Variants in RBFOX1 observed in about 807,000 individuals in gnomAD.
RBFOX1 encodes RNA binding protein fox-1 homolog 1.
Under a neutral mutation model 57.7 loss-of-function variants are expected in RBFOX1, and 8 were observed. The observed-to-expected ratio is 0.14, with a 90% CI of 0.08 to 0.25. The LOEUF (loss-of-function observed/expected upper bound fraction) is 0.25, where lower values mean the gene tolerates loss of function less well. RBFOX1 is among the 10% of genes least tolerant of loss of function. The pLI, the probability that RBFOX1 is intolerant of heterozygous loss-of-function variation, is 1.00. For missense variants in RBFOX1, 611 were observed against 548.5 expected (o/e 1.11, Z -1.14); for synonymous variants, 326 against 222.4 (o/e 1.47, Z -4.15).
chr16:7,687,014 A>G (rs925071477), intron 14 of RBFOX1, among the ~76,000 whole-genome samples: 15 of 152,094 alleles, frequency 9.9e-5, no homozygotes, highest in Admixed American at 3.3e-4. Flanking sequence ...ATATCATGTT[A>G]GCAATAGGAA....
At chr16:6,016,041 A>T (rs1011600801), upstream of RBFOX1, among the ~76,000 whole-genome samples, 1 of 152,256 alleles carries the variant, frequency 6.6e-6, no homozygotes, top group Non-Finnish European at 1.5e-5. Context: ...TGGTTAGCCC[A>T]TTTAGACAGC....
chr16:6,320,138 C>G (rs1426146252), intron 2 of RBFOX1, among the ~76,000 whole-genome samples: 1 of 152,026 alleles, frequency 6.6e-6, no homozygotes, highest in East Asian at 1.9e-4. Context: ...AAGGTGGAGA[C>G]AGAAAGAACT....
At chr16:7,327,735 A>C (rs766794730) in intron 4 of RBFOX1, among the ~76,000 whole-genome samples, 2 of 152,176 alleles carry the variant, frequency 1.3e-5, no homozygotes, top group Non-Finnish European at 2.9e-5. Context: ...GTGGCTCAAC[A>C]TGCCTAGATC....
intron 4 of RBFOX1, among the ~76,000 whole-genome samples, chr16:5,936,679 T>C (rs1238769279): frequency 6.6e-6 from 1 of 152,242 alleles, no homozygotes; most frequent in Non-Finnish European, 1.5e-5. Flanking sequence ...TGTGTGCTCA[T>C]TCTCCACCCA....
At chr16:6,817,480 G>A (rs1344378563) in intron 3 of RBFOX1, among the ~76,000 whole-genome samples, 1 of 150,476 alleles carries the variant, frequency 6.6e-6, no homozygotes, top group East Asian at 2.0e-4. Context: ...GATTGGTTGA[G>A]GTCAAGAGTT....
intron 3 of RBFOX1, among the ~76,000 whole-genome samples, chr16:6,820,063 G>C (rs1051227796): frequency 3.9e-5 from 6 of 152,078 alleles, no homozygotes; most frequent in Non-Finnish European, 8.8e-5. Flanking sequence ...GAATCGTGGG[G>C]CTTGATTTTT....
At chr16:6,368,932 A>C (rs2795548) in intron 2 of RBFOX1, among the ~76,000 whole-genome samples, 4,911 of 152,326 alleles carry the variant, frequency 0.032, 264 homozygotes, top group African/African-American at 0.11. Context: ...AAAATAAACC[A>C]GGACGAATCT....
chr16:6,988,486 A>G (rs1212080649), intron 3 of RBFOX1, among the ~76,000 whole-genome samples: 2 of 152,146 alleles, frequency 1.3e-5, no homozygotes, highest in Admixed American at 6.5e-5. Context: ...GTGATAACAT[A>G]TTGGGCTAAA....
At chr16:5,841,109 T>C (rs897586035) in intron 3 of RBFOX1, among the ~76,000 whole-genome samples, 36 of 152,158 alleles carry the variant, frequency 2.4e-4, no homozygotes, top group East Asian at 1.9e-3. Context: ...CTAATGTCGA[T>C]TGAGTGATTT....
At chr16:6,094,707 G>A (rs558350834) in intron 1 of RBFOX1, among the ~76,000 whole-genome samples, 1 of 152,286 alleles carries the variant, frequency 6.6e-6, no homozygotes, top group Admixed American at 6.5e-5. Flanking sequence ...TTCCTCATCT[G>A]CACATTGGAA....
chr16:5,548,174 A>AAAATAT (rs1555462290), intron 2 of RBFOX1, among the ~76,000 whole-genome samples: 6 of 33,580 alleles, frequency 1.8e-4, no homozygotes, highest in Non-Finnish European at 3.1e-4. Flanking sequence ...AAAAAAAAAA[A>AAAATAT]ATATATATAT....
chr16:7,098,626 A>G (rs575116462), intron 4 of RBFOX1, among the ~76,000 whole-genome samples: 2 of 152,222 alleles, frequency 1.3e-5, no homozygotes, highest in South Asian at 4.1e-4. Context: ...TTGGTTTCTT[A>G]TGGGGATATA....
chr16:5,374,030 G>T (rs901717881), intron 1 of RBFOX1, among the ~76,000 whole-genome samples: 1 of 152,206 alleles, frequency 6.6e-6, no homozygotes, highest in Non-Finnish European at 1.5e-5. Flanking sequence ...CGATTCTCCT[G>T]CCTCACCCTC....
At chr16:6,517,179 C>T (rs192914597) in intron 2 of RBFOX1, among the ~76,000 whole-genome samples, 438 of 152,232 alleles carry the variant, frequency 2.9e-3, no homozygotes, top group African/African-American at 9.4e-3. Flanking sequence ...CCTTGGCTCG[C>T]TTCTGACAAG....
intron 1 of RBFOX1, among the ~76,000 whole-genome samples, chr16:6,045,595 G>A (rs2095487094): frequency 6.6e-6 from 1 of 152,158 alleles, no homozygotes; most frequent in South Asian, 2.1e-4. Context: ...TCGGTGCTGA[G>A]AATAAATCAA....
intron 2 of RBFOX1, among the ~76,000 whole-genome samples, chr16:6,557,616 G>A (rs1186704992): frequency 6.6e-6 from 1 of 152,220 alleles, no homozygotes; most frequent in East Asian, 1.9e-4. Flanking sequence ...GGGTAGTTAA[G>A]TATCGCTGAT....
chr16:6,997,080 C>G (rs894203054), intron 3 of RBFOX1, among the ~76,000 whole-genome samples: 1 of 152,066 alleles, frequency 6.6e-6, no homozygotes, highest in Non-Finnish European at 1.5e-5. Context: ...ATAATAAAAG[C>G]AGGAAGTACC....
chr16:7,108,141 A>G (rs1369199510), intron 4 of RBFOX1, among the ~76,000 whole-genome samples: 1 of 152,128 alleles, frequency 6.6e-6, no homozygotes, highest in Admixed American at 6.6e-5. Context: ...AAAACAAAAT[A>G]CATTTCAGGA....
chr16:6,928,411 T>A (rs1532225), intron 3 of RBFOX1, among the ~76,000 whole-genome samples: 3 of 152,164 alleles, frequency 2.0e-5, no homozygotes, highest in African/African-American at 7.2e-5. Flanking sequence ...GAGGTTGTTG[T>A]AGGATAATGA....
Sources: allele counts gnomAD v4.1 joint callset (sites outside exome capture counted in the v4.1 genomes callset), GRCh38; gene constraint gnomAD v4.1.1; transcripts MANE v1.5; gene names NCBI Gene and HGNC (gene_info 2026-07-23, HGNC 2026-07-21).